Variants in KMT5A observed in about 807,000 individuals in gnomAD.
KMT5A encodes the protein N-lysine methyltransferase KMT5A.
Under a neutral mutation model 40.6 loss-of-function variants are expected in KMT5A, and 6 were observed. The ratio of observed to expected loss-of-function variants is 0.15; its 90% CI spans 0.08 to 0.29. KMT5A has a LOEUF of 0.29. KMT5A is among the 10% of genes least tolerant of loss of function. The probability of loss-of-function intolerance (pLI) is 1.00; values close to 1 mark genes in which losing one functional copy is unlikely to be tolerated. For missense variants in KMT5A, 308 were observed against 459.1 expected, an observed-to-expected ratio of 0.67 and a Z score of 3.01; for synonymous variants, 153 against 178.8, an observed-to-expected ratio of 0.86 and a Z score of 1.15.
intron 5 of KMT5A, among the ~76,000 whole-genome samples, chr12:123,400,567 G>A (rs551773368): frequency 1.3e-5 from 2 of 151,294 alleles, no homozygotes; most frequent in African/African-American, 4.9e-5. Context: ...CACCATGTTG[G>A]TCAGGCTGGC....
intron 1 of KMT5A, among the ~76,000 whole-genome samples, chr12:123,387,149 G>A (rs1876921931): frequency 6.6e-6 from 1 of 152,172 alleles, no homozygotes; most frequent in Non-Finnish European, 1.5e-5. Context: ...GAGCCACTGC[G>A]CCCAGCTGGT....
At position 123,386,210 on chromosome 12, in the gene KMT5A, A is replaced by AT. The variant is rs59509232; in HGVS notation, c.10+2025dup. Among the ~76,000 whole-genome samples the AT allele has an allele frequency of 4.3e-4, 34 of 79,836 alleles. 1 individual carries two copies. In the East Asian group the frequency reaches 4.3e-3, roughly 10 times the overall value. The allele number at this position is 79,836 out of a possible 152,430, so 52.4% of individuals were successfully genotyped here. A position where few individuals can be genotyped will look rare whatever the true frequency, so the allele number is the denominator to read the frequency against. On this transcript the variant is annotated intron_variant, in intron 1 of 7. Transcript: ENST00000402868. The stretch of plus-strand genomic sequence containing the variant: ...TATTAAATTGGATATTTAGATTTAG[A>AT]TTTTTTTTTTTTTTTTTTTTTTTGA...
Position 123,396,328 on chromosome 12 carries a change from CT to C in KMT5A, c.510-15del. 1 of 1,611,620 alleles carries C rather than the reference CT, an allele frequency of 6.2e-7. No individual in the cohort carries two copies. The highest frequency in any genetic ancestry group is 8.5e-7 in the Non-Finnish European group (1 of 1,179,346). On this transcript the variant is annotated splice_polypyrimidine_tract_variant and intron_variant, in intron 4 of 7. Transcript: ENST00000402868. ...TCAGTCCTGATATTTATTTTCTCCT[CT>C]TCCCCTCTTACCCAGAGCTCAAGGA...
intron 5 of KMT5A, among the ~76,000 whole-genome samples, chr12:123,400,738 A>G (rs745764102): frequency 2.0e-5 from 3 of 152,200 alleles, no homozygotes; most frequent in Non-Finnish European, 4.4e-5. Flanking sequence ...CTCTCACTTA[A>G]GTTACTCTGG....
At chr12:123,396,940 TGTA>T (rs1336678195) in intron 5 of KMT5A, among the ~76,000 whole-genome samples, 1 of 152,218 alleles carries the variant, frequency 6.6e-6, no homozygotes, top group Non-Finnish European at 1.5e-5. Flanking sequence ...GGTACAATAA[TGTA>T]GTACCTGCTA....
At chr12:123,385,745 G>A (rs1337946381) in intron 1 of KMT5A, among the ~76,000 whole-genome samples, 1 of 152,052 alleles carries the variant, frequency 6.6e-6, no homozygotes, top group Non-Finnish European at 1.5e-5. Context: ...CAGCTACTTG[G>A]GAGGCTGAGG....
intron 5 of KMT5A, among the ~76,000 whole-genome samples, chr12:123,396,895 C>A (rs1877770917): frequency 6.6e-6 from 1 of 152,202 alleles, no homozygotes; most frequent in African/African-American, 2.4e-5. Context: ...CAGTCACTTA[C>A]CCTGTCCATG....
chr12:123,390,919 G>C, intron 3 of KMT5A, 133 bp downstream of exon 3: 1 of 1,088,246 alleles, frequency 9.2e-7, no homozygotes, highest in Non-Finnish European at 1.3e-6. Flanking sequence ...GCCATGTTCT[G>C]TCTTGCTGCT....
chr12:123,388,836 G>C (rs1379637656), intron 1 of KMT5A: 1 of 149,906 alleles, frequency 6.7e-6, no homozygotes, highest in Admixed American at 6.6e-5. Flanking sequence ...CGCGCGAGAG[G>C]GGGCGCGCCC....
At chr12:123,402,637 G>T (rs1389164692) in intron 5 of KMT5A, among the ~76,000 whole-genome samples, 2 of 152,228 alleles carry the variant, frequency 1.3e-5, no homozygotes, top group Non-Finnish European at 2.9e-5. Context: ...TATCTGTGCA[G>T]TGGCAGAGCA....
chr12:123,392,111 A>G (rs1310358792), intron 3 of KMT5A, among the ~76,000 whole-genome samples: 1 of 152,188 alleles, frequency 6.6e-6, no homozygotes, highest in Non-Finnish European at 1.5e-5. Flanking sequence ...GGGTGGTTGC[A>G]GCGTGGATGC....
chr12:123,394,104 C>CTTTTTTTTTTTTTTTTT, intron 3 of KMT5A, among the ~76,000 whole-genome samples: 1 of 125,068 alleles, frequency 8.0e-6, no homozygotes, highest in Non-Finnish European at 1.6e-5. Flanking sequence ...ATTTTTTTTT[C>CTTTTTTTTTTTTTTTTT]TTTTTTTTTT....
chr12:123,408,167 G>C lies in KMT5A; in HGVS notation c.*464G>C, dbSNP rs1173569452. ...CTGGACGGGATGTTTCCAAGCTCTTGTTCCCCTAACGTCTCAACAGGCGCT... is the reference window on the plus strand; with the variant it reads ...CTGGACGGGATGTTTCCAAGCTCTTCTTCCCCTAACGTCTCAACAGGCGCT... On this transcript the variant is annotated 3_prime_UTR_variant, in exon 8 of 8. Transcript: ENST00000402868. 6.1e-6 allele frequency: 1 copy of C among 163,022 alleles called. No homozygotes were observed. The highest frequency in any genetic ancestry group is 1.3e-5 in the Non-Finnish European group (1 of 74,728). 10.1% of individuals were successfully genotyped at this position (163,022 alleles called of 1,614,324 possible). A position where few individuals can be genotyped will look rare whatever the true frequency, so the allele number is the denominator to read the frequency against.
In KMT5A at chr12:123,407,666, A is replaced by G. The variant is rs764315423; in HGVS notation, c.1022A>G (p.Lys341Arg). The G allele has an allele frequency of 6.2e-7, 1 of 1,613,704 alleles. No homozygotes were observed. The highest frequency in any genetic ancestry group is 8.5e-7 in the Non-Finnish European group (1 of 1,179,808). ...ELLYDYGDRS[K>R]ASIEAHPWLK... ...CTGTATGACTATGGGGACCGCAGCA[A>G]GGCTTCCATTGAAGCCCACCCGTGG... The change falls in exon 8 of 8, where the codon AAG (lysine) becomes AGG (arginine). Residue 341 changes from lysine to arginine, a missense_variant. This residue lies in a region of KMT5A where 77 missense variants were observed against 220.0 expected (regional missense o/e 0.35). Transcript: ENST00000402868.
rs116855657 is a variant in KMT5A at position 123,391,054 on chromosome 12, C to T, written c.289+268C>T. ...TAGTTGCAAAAATAACATACCTGAC[C>T]CACAATTAGAGAGGCTCACAAGTGC... On this transcript the variant is annotated intron_variant, in intron 3 of 7. Coordinates refer to ENST00000402868, the MANE Select transcript of KMT5A (RefSeq NM_020382.7). 869 of 421,250 alleles carry T rather than the reference C, an allele frequency of 2.1e-3. 20 individuals are homozygous for T. The East Asian group carries it at 0.032, about 15-fold the overall frequency. 26.1% of individuals were successfully genotyped at this position (421,250 alleles called of 1,614,324 possible).
rs1393237847 is a variant in KMT5A, at chr12:123,408,486, A to T, written c.*783A>T. ...TTTATTTTAAAAAATAATAATAAAAATTTAAAAAAATTAAAAATAAAAAAA... is the reference window on the plus strand; with the variant it reads ...TTTATTTTAAAAAATAATAATAAAATTTTAAAAAAATTAAAAATAAAAAAA... On this transcript the variant is annotated 3_prime_UTR_variant, in exon 8 of 8. Coordinates refer to ENST00000402868, the MANE Select transcript of KMT5A (RefSeq NM_020382.7). 1 of 148,662 alleles carries T rather than the reference A, an allele frequency of 6.7e-6. No homozygotes were observed. 9.2% of individuals were successfully genotyped at this position (148,662 alleles called of 1,614,324 possible).
chr12:123,393,026 G>A (rs1257847389), intron 3 of KMT5A, among the ~76,000 whole-genome samples: 13 of 151,942 alleles, frequency 8.6e-5, no homozygotes, highest in South Asian at 4.2e-4. Flanking sequence ...ACAGGTGCCC[G>A]CCACCACGCT....
At chr12:123,385,576 G>T (rs1876824926) in intron 1 of KMT5A, among the ~76,000 whole-genome samples, 1 of 152,176 alleles carries the variant, frequency 6.6e-6, no homozygotes, top group South Asian at 2.1e-4. Context: ...TTATGGCCAG[G>T]CATGGTGGCT....
In KMT5A at chr12:123,389,470, G is replaced by A; in HGVS notation, c.48G>A (p.Ala16=). Residue 16 remains alanine (A), a synonymous_variant, in exon 2 of 8, where the codon GCG becomes GCA. Coordinates refer to ENST00000402868, the MANE Select transcript of KMT5A (RefSeq NM_020382.7). The part of the protein sequence containing the change: ...KMSKPRAVEA[A]AAAAAVAATA... ...CCAAGCCCCGCGCGGTGGAGGCGGC[G>A]GCGGCGGCGGCGGCGGTGGCAGCGA... 1 of 1,112,778 alleles carries A rather than the reference G, an allele frequency of 9.0e-7. No individual in the cohort carries two copies. Among genetic ancestry groups the A allele is most frequent in the Non-Finnish European group, 1.1e-6 (1 of 917,022 alleles). 68.9% of individuals were successfully genotyped at this position (1,112,778 alleles called of 1,614,324 possible).
Sources: gnomAD v4.1 joint callset for allele counts (sites outside exome capture counted in the v4.1 genomes callset) on GRCh38, gnomAD v4.1.1 for gene constraint, gnomAD v4.1.1 regional missense constraint, MANE v1.5 for transcripts, NCBI Gene and HGNC (gene_info 2026-07-23, HGNC 2026-07-21) for gene names.